CDH20: variants seen among roughly 807,000 people sequenced by gnomAD.
CDH20 encodes cadherin-20.
A neutral mutation model predicts 74.2 loss-of-function variants in CDH20; 29 were observed. The observed-to-expected ratio is 0.39, with a 90% CI of 0.29 to 0.53. The LOEUF (loss-of-function observed/expected upper bound fraction) is 0.53. Ranked by LOEUF, CDH20 falls within the 20% of genes least tolerant of loss-of-function variation. CDH20 has a pLI of 0.69. For missense variants in CDH20, 988 were observed against 1,048.3 expected (o/e 0.94, Z 0.79); for synonymous variants, 469 against 405.4 (o/e 1.16, Z -1.88).
At chr18:61,336,790 G>T (rs961136558) in intron 1 of CDH20, among the ~76,000 whole-genome samples, 2 of 139,732 alleles carry the variant, frequency 1.4e-5, no homozygotes, top group African/African-American at 2.6e-5. Flanking sequence ...AGCTGCAGTG[G>T]CGAGAACATA....
At chr18:61,535,271 A>T (rs1912783357) in intron 7 of CDH20, among the ~76,000 whole-genome samples, 1 of 152,050 alleles carries the variant, frequency 6.6e-6, no homozygotes, top group Admixed American at 6.6e-5. Flanking sequence ...AGCTGACATC[A>T]TGCCACTGCA....
In CDH20 at chr18:61,519,453, T is replaced by C. The variant is rs978480263; in HGVS notation, c.1018-8514T>C. Among the ~76,000 whole-genome samples the C allele has an allele frequency of 7.3e-5, 11 of 151,316 alleles. 1 individual carries two copies. Among genetic ancestry groups the C allele is most frequent in the Non-Finnish European group, 1.0e-4 (7 of 67,996 alleles). On this transcript the variant is annotated intron_variant, in intron 6 of 11. Transcript: ENST00000262717. ...AGAAACCCTGCAAGCCAGAAGAAAG[T>C]GGGAGCCAACATTCAACATTCTTAA...
chr18:61,526,362 C>G (rs1161306602), intron 6 of CDH20, among the ~76,000 whole-genome samples: 1 of 151,954 alleles, frequency 6.6e-6, no homozygotes, highest in East Asian at 1.9e-4. Flanking sequence ...TAAAGCAGCA[C>G]CTACCGATAT....
intron 1 of CDH20, among the ~76,000 whole-genome samples, chr18:61,354,363 T>A (rs1910421191): frequency 6.6e-6 from 1 of 152,164 alleles, no homozygotes; most frequent in Non-Finnish European, 1.5e-5. Context: ...GTCCCAGAAC[T>A]TTGGGAGGCC....
At chr18:61,357,395 G>A (rs1222565920) in intron 1 of CDH20, among the ~76,000 whole-genome samples, 1 of 151,982 alleles carries the variant, frequency 6.6e-6, no homozygotes, top group African/African-American at 2.4e-5. Flanking sequence ...CAACTAAGAG[G>A]GTTTTTTCCC....
At chr18:61,466,109 T>TA in intron 1 of CDH20, among the ~76,000 whole-genome samples, 1 of 149,138 alleles carries the variant, frequency 6.7e-6, no homozygotes, top group African/African-American at 2.5e-5. Context: ...TATATAGCTA[T>TA]TTATATATAT....
chr18:61,497,236 T>G (rs1199113885), intron 2 of CDH20, among the ~76,000 whole-genome samples: 1 of 152,150 alleles, frequency 6.6e-6, no homozygotes, highest in African/African-American at 2.4e-5. Context: ...TTCCCTTATT[T>G]CTCTTTCTAG....
chr18:61,420,921 C>T lies in CDH20; in HGVS notation c.-152-69481C>T, dbSNP rs531647979. 1.4e-3 allele frequency among the ~76,000 whole-genome samples: 220 copies of T among 152,112 alleles called. 1 individual carries two copies. Among genetic ancestry groups the T allele is most frequent in the African/African-American group, 4.9e-3 (204 of 41,516 alleles). On this transcript the variant is annotated intron_variant, in intron 1 of 11. Transcript: ENST00000262717. ...ATACAAAAACTAGCTGGGCGTGTGG[C>T]GTGCCTGTAATCCCAGCTACTTGGG...
chr18:61,395,931 A>G (rs1911953913), intron 1 of CDH20, among the ~76,000 whole-genome samples: 1 of 152,072 alleles, frequency 6.6e-6, no homozygotes, highest in African/African-American at 2.4e-5. Flanking sequence ...TACTTTTTCG[A>G]TAGTGTTAGA....
intron 1 of CDH20, among the ~76,000 whole-genome samples, chr18:61,390,998 C>T (rs1193530567): frequency 6.6e-6 from 1 of 151,920 alleles, no homozygotes; most frequent in Admixed American, 6.6e-5. Context: ...AAAAAATATA[C>T]ATATGGTAAA....
chr18:61,539,569 G>T (rs896859258), intron 9 of CDH20, among the ~76,000 whole-genome samples: 2 of 152,228 alleles, frequency 1.3e-5, no homozygotes, highest in African/African-American at 4.8e-5. Context: ...ACTGAATTGT[G>T]TAGCACCCAT....
chr18:61,450,324 A>G (rs1909339251), intron 1 of CDH20, among the ~76,000 whole-genome samples: 1 of 151,214 alleles, frequency 6.6e-6, no homozygotes, highest in South Asian at 2.1e-4. Context: ...GTCTCAGAGT[A>G]GGTAATTATC....
intron 1 of CDH20, among the ~76,000 whole-genome samples, chr18:61,337,719 T>C (rs916260284): frequency 2.0e-5 from 3 of 152,208 alleles, no homozygotes; most frequent in Non-Finnish European, 4.4e-5. Context: ...CATCAACTCC[T>C]TCTGAAATGA....
At chr18:61,359,735 A>G (rs1910626126) in intron 1 of CDH20, among the ~76,000 whole-genome samples, 1 of 152,236 alleles carries the variant, frequency 6.6e-6, no homozygotes, top group Non-Finnish European at 1.5e-5. Context: ...GTTTGGAAAC[A>G]ATAGATGTTC....
intron 6 of CDH20, among the ~76,000 whole-genome samples, chr18:61,526,820 T>C (rs1568177371): frequency 6.6e-6 from 1 of 152,238 alleles, no homozygotes; most frequent in South Asian, 2.1e-4. Context: ...CACGTCAGCA[T>C]ACTCCAGGCT....
At chr18:61,512,585 T>C (rs1425907352) in intron 6 of CDH20, among the ~76,000 whole-genome samples, 1 of 152,086 alleles carries the variant, frequency 6.6e-6, no homozygotes, top group Non-Finnish European at 1.5e-5. Context: ...TTAGATTCAC[T>C]CCATGCCGCT....
chr18:61,477,490 A>G (rs1910432641), intron 1 of CDH20, among the ~76,000 whole-genome samples: 1 of 152,248 alleles, frequency 6.6e-6, no homozygotes, highest in South Asian at 2.1e-4. Context: ...GTGTGTGGCA[A>G]CAATGTTAGA....
chr18:61,546,354 G>A lies in CDH20; in HGVS notation c.1648+1210G>A, dbSNP rs144575617. Among the ~76,000 whole-genome samples, 630 of 152,170 alleles carry A rather than the reference G, an allele frequency of 4.1e-3. 5 individuals carry two copies. Among genetic ancestry groups the A allele is most frequent in the African/African-American group, 0.014 (594 of 41,494 alleles). On this transcript the variant is annotated intron_variant, in intron 10 of 11. Coordinates refer to ENST00000262717, the MANE Select transcript of CDH20 (RefSeq NM_031891.4). ...TCTCAAACCTGTTTTCTTCTAAATGGCAAAGCATTCTTCTAAGTCATCCCT... is the reference window on the plus strand; with the variant it reads ...TCTCAAACCTGTTTTCTTCTAAATGACAAAGCATTCTTCTAAGTCATCCCT...
chr18:61,518,272 G>A (rs894424615), intron 6 of CDH20, among the ~76,000 whole-genome samples: 13 of 152,190 alleles, frequency 8.5e-5, no homozygotes, highest in Non-Finnish European at 1.5e-4. Flanking sequence ...AAGCTCTAAG[G>A]GACAGACTGC....
Sources: allele counts gnomAD v4.1 joint callset (sites outside exome capture counted in the v4.1 genomes callset), GRCh38; gene constraint gnomAD v4.1.1; transcripts MANE v1.5; gene names NCBI Gene and HGNC (gene_info 2026-07-23, HGNC 2026-07-21).